Variants in BRCA2 observed in about 807,000 individuals in gnomAD.
BRCA2 encodes the protein breast cancer type 2 susceptibility protein.
BRCA2 carries 203 observed loss-of-function variants against 276.7 expected under a neutral mutation model. The observed-to-expected ratio is 0.73, with a 90% CI of 0.65 to 0.82. The LOEUF (loss-of-function observed/expected upper bound fraction) is 0.82, where lower values mean the gene tolerates loss of function less well. Ranked by LOEUF, BRCA2 falls within the 40% of genes least tolerant of loss-of-function variation. The pLI is 0.00. For synonymous variants in BRCA2, 1,289 were observed against 1,338.4 expected (o/e 0.96, Z 0.81); for missense variants, 3,920 against 3,915.0 (o/e 1.00, Z -0.03).
At chr13:32,317,122 C>T (rs2072269215) in intron 2 of BRCA2, among the ~76,000 whole-genome samples, 1 of 152,106 alleles carries the variant, frequency 6.6e-6, no homozygotes, top group Non-Finnish European at 1.5e-5. Flanking sequence ...TCGCTTGAAC[C>T]CTGGAGGCAG....
chr13:32,326,084 G>A lies in BRCA2; in HGVS notation c.426-17G>A, dbSNP rs81002799. The stretch of plus-strand genomic sequence containing the variant: ...TTTTTTAAAATAACCTAAGGGATTT[G>A]CTTTGTTTTATTTTAGTCCTGTTGT... On this transcript the variant is annotated splice_polypyrimidine_tract_variant and intron_variant, in intron 4 of 26. Coordinates refer to ENST00000380152, the MANE Select transcript of BRCA2 (RefSeq NM_000059.4). The A allele has an allele frequency of 1.2e-6, 2 of 1,601,688 alleles. No homozygotes were observed. Among genetic ancestry groups the A allele is most frequent in the Non-Finnish European group, 1.7e-6 (2 of 1,172,258 alleles).
rs764761862 is a variant in BRCA2, at chr13:32,357,817, G to A, written c.7693G>A (p.Glu2565Lys). The A allele has an allele frequency of 5.0e-6, 8 of 1,613,922 alleles. No individual in the cohort carries two copies. The African/African-American group carries it at 5.3e-5, about 11-fold the overall frequency. ...TGCAGAGTCTTTTCAGTTTCACACT[G>A]AAGATTATTTTGGTAAGGAAAGTTT... ...KNAESFQFHT[E>K]DYFGKESLWT... Residue 2565 changes from glutamate (E) to lysine (K), a missense_variant, in exon 16 of 27, where the codon GAA (glutamate) becomes AAA (lysine). Around this residue, in one of 2 missense-constraint regions of BRCA2, gnomAD observed 3,263 missense variants for 3,156.9 expected, o/e 1.03. Coordinates refer to ENST00000380152, the MANE Select transcript of BRCA2 (RefSeq NM_000059.4).
intron 18 of BRCA2, 94 bp downstream of exon 18, chr13:32,363,627 C>T (rs2137583571): frequency 8.8e-7 from 1 of 1,141,084 alleles, no homozygotes; most frequent in Non-Finnish European, 1.3e-6. Flanking sequence ...ACTAAGGATG[C>T]TCAATTTCTT....
Position 32,351,779 on chromosome 13 carries a change from G to A in BRCA2, c.7008-3082G>A, listed in dbSNP as rs745614217. On this transcript the variant is annotated intron_variant, in intron 13 of 26. Transcript: ENST00000380152. ...AAAATATCATTGAAATTATTTTAAT[G>A]TTACATTTTATTTTATTTTATTTAT... Among the ~76,000 whole-genome samples the A allele has an allele frequency of 5.3e-4, 80 of 151,662 alleles. 1 individual carries two copies. Among genetic ancestry groups the A allele is most frequent in the Middle Eastern group, 6.8e-3 (2 of 292 alleles).
At chr13:32,375,765 G>T (rs1001031834) in intron 20 of BRCA2, among the ~76,000 whole-genome samples, 8 of 151,996 alleles carry the variant, frequency 5.3e-5, no homozygotes, top group Non-Finnish European at 8.8e-5. Flanking sequence ...TCACCATGTT[G>T]GTCAGGCTGG....
intron 20 of BRCA2, among the ~76,000 whole-genome samples, chr13:32,375,024 A>G (rs75862930): frequency 5.3e-5 from 8 of 152,346 alleles, no homozygotes; most frequent in African/African-American, 1.9e-4. Context: ...AGGAGAAGCA[A>G]GTACCTTCTT....
Position 32,385,213 on chromosome 13 carries a change from G to A in BRCA2, c.9256+5068G>A, listed in dbSNP as rs372812424. On this transcript the variant is annotated intron_variant, in intron 24 of 26. Transcript: ENST00000380152. Reference sequence around the variant, plus strand: ...ACTCAACACTGGGTATGAAATCACCGCCTGTCGCCTGGATGGCTTTAAATT... The same window carrying A: ...ACTCAACACTGGGTATGAAATCACCACCTGTCGCCTGGATGGCTTTAAATT... 31 of 192,188 alleles carry A rather than the reference G, an allele frequency of 1.6e-4. No homozygotes were observed. The South Asian group carries it at 4.1e-3, about 25-fold the overall frequency. 11.9% of individuals were successfully genotyped at this position (192,188 alleles called of 1,614,324 possible).
In BRCA2 at chr13:32,336,292, G is replaced by A. The variant is rs2137481974; in HGVS notation, c.1937G>A (p.Ser646Asn). The change falls in exon 11 of 27, where the codon AGC becomes AAC. Residue 646 changes from serine (S) to asparagine (N), a missense_variant. Transcript: ENST00000380152. ...SGLLHSSVKR[S>N]CSQNDSEEPT... is the part of the protein sequence containing the mutation. ...TTATTGCATTCTTCTGTGAAAAGAAGCTGTTCACAGAATGATTCTGAAGAA... is the reference window on the plus strand; with the variant it reads ...TTATTGCATTCTTCTGTGAAAAGAAACTGTTCACAGAATGATTCTGAAGAA... 6.2e-7 allele frequency: 1 copy of A among 1,603,196 alleles called. No individual in the cohort carries two copies.
chr13:32,339,214 T>C lies in BRCA2; in HGVS notation c.4859T>C (p.Leu1620Ser). 1.2e-6 allele frequency: 2 copies of C among 1,613,332 alleles called. No homozygotes were observed. The highest frequency in any genetic ancestry group is 1.7e-6 in the Non-Finnish European group (2 of 1,179,484). ...VVPPKLLSDN[L>S]CRQTENLKTS... ...CCACCTAAGCTCTTAAGTGATAATT[T>C]ATGTAGACAAACTGAAAATCTCAAA... The change falls in exon 11 of 27, where the codon TTA becomes TCA. Residue 1620 changes from leucine (L) to serine (S), a missense_variant. Physicochemically the swap from Leu to Ser is moderately radical, Grantham distance 145. This residue lies in a region of BRCA2 where 3,263 missense variants were observed against 3,156.9 expected (regional missense o/e 1.03). Coordinates refer to ENST00000380152, the MANE Select transcript of BRCA2 (RefSeq NM_000059.4).
At chr13:32,395,271 T>C (rs1195554446) in intron 25 of BRCA2, among the ~76,000 whole-genome samples, 1 of 152,192 alleles carries the variant, frequency 6.6e-6, no homozygotes, top group Admixed American at 6.5e-5. Context: ...GTTAATAATA[T>C]AGAGACTACA....
intron 24 of BRCA2, among the ~76,000 whole-genome samples, chr13:32,383,865 A>G (rs1289644950): frequency 3.9e-5 from 6 of 152,166 alleles, no homozygotes; most frequent in Non-Finnish European, 7.3e-5. Flanking sequence ...GTTATTGGAA[A>G]TAAAAGTCTT....
intron 11 of BRCA2, among the ~76,000 whole-genome samples, chr13:32,342,287 AAG>A (rs2072577457): frequency 7.0e-6 from 1 of 141,906 alleles, no homozygotes. Context: ...AAAAAAAAAA[AAG>A]TGTATTTAAA....
rs1593898366 is a variant in BRCA2, at chr13:32,337,366, G to A, written c.3011G>A (p.Ser1004Asn). Residue 1004 changes from serine (S) to asparagine (N), a missense_variant, in exon 11 of 27, where the codon AGT (serine) becomes AAT (asparagine). Ser to Asn is a conservative substitution (Grantham distance 46). Transcript: ENST00000380152. ...CTCTTAGGTCCAATTTCAAATCACA[G>A]TTTTGGAGGTAGCTTCAGAACAGCT... ...AGLLGPISNH[S>N]FGGSFRTASN... 1.9e-6 allele frequency: 3 copies of A among 1,613,828 alleles called. No individual in the cohort carries two copies. Among genetic ancestry groups the A allele is most frequent in the Non-Finnish European group, 2.5e-6 (3 of 1,179,906 alleles).
intron 24 of BRCA2, among the ~76,000 whole-genome samples, chr13:32,387,105 C>T (rs961943775): frequency 6.6e-6 from 1 of 152,098 alleles, no homozygotes; most frequent in Non-Finnish European, 1.5e-5. Flanking sequence ...CTAAATTTCC[C>T]CATATATTAG....
chr13:32,372,655 G>A (rs980307887), intron 20 of BRCA2, among the ~76,000 whole-genome samples: 1 of 152,098 alleles, frequency 6.6e-6, no homozygotes, highest in Admixed American at 6.5e-5. Context: ...TGAGATTTGG[G>A]TAGGGACACA....
At chr13:32,395,960 C>CTTTTTTTTTTTT (rs397838402) in intron 25 of BRCA2, 8 of 79,196 alleles carry the variant, frequency 1.0e-4, no homozygotes, top group African/African-American at 3.6e-4. Flanking sequence ...TTCTTTCTTT[C>CTTTTTTTTTTTT]TTTTTTTTTT....
chr13:32,344,566 T>G lies in BRCA2; in HGVS notation c.6850T>G (p.Ser2284Ala). 6.5e-7 allele frequency: 1 copy of G among 1,530,248 alleles called. No individual in the cohort carries two copies. The highest frequency in any genetic ancestry group is 9.0e-7 in the Non-Finnish European group (1 of 1,107,066). 94.8% of individuals were successfully genotyped at this position (1,530,248 alleles called of 1,614,324 possible). The change falls in exon 12 of 27, where the codon TCA becomes GCA. Residue 2284 changes from serine (S) to alanine (A), a missense_variant. This residue lies in a region of BRCA2 where 3,263 missense variants were observed against 3,156.9 expected (regional missense o/e 1.03). Transcript: ENST00000380152. ...GAAATATTTCTTTTTAGGAGAACCC[T>G]CAATCAAAAGAAACTTATTAAATGA... ...GEPLILVGEPSIKRNLLNEFD... is the reference protein window; with the variant it reads ...GEPLILVGEPAIKRNLLNEFD...
intron 10 of BRCA2, among the ~76,000 whole-genome samples, chr13:32,334,844 C>T (rs1271012497): frequency 6.6e-6 from 1 of 152,122 alleles, no homozygotes; most frequent in African/African-American, 2.4e-5. Context: ...TGGTGTAACT[C>T]TGTCCTCTTT....
At chr13:32,378,913 A>G (rs1435549973) in intron 21 of BRCA2, among the ~76,000 whole-genome samples, 5 of 152,194 alleles carry the variant, frequency 3.3e-5, no homozygotes, top group African/African-American at 1.2e-4. Context: ...TGTGCAAATT[A>G]GTTGTCCCCT....
Sources: gnomAD v4.1 joint callset for allele counts (sites outside exome capture counted in the v4.1 genomes callset) on GRCh38, gnomAD v4.1.1 for gene constraint, gnomAD v4.1.1 regional missense constraint, MANE v1.5 for transcripts, NCBI Gene and HGNC (gene_info 2026-07-23, HGNC 2026-07-21) for gene names.